SVOPL: variants seen among roughly 807,000 people sequenced by gnomAD.
SVOPL encodes the protein SVOP like, also known as putative transporter SVOPL.
SVOPL carries 60 observed loss-of-function variants against 61.0 expected under a neutral mutation model. The ratio of observed to expected loss-of-function variants is 0.98; its 90% CI spans 0.80 to 1.22. SVOPL has a LOEUF of 1.22. SVOPL is among the 50% of genes most tolerant of loss of function. SVOPL has a pLI of 0.00. For missense variants in SVOPL, 662 were observed against 643.9 expected (o/e 1.03, Z -0.30); for synonymous variants, 279 against 250.0 (o/e 1.12, Z -1.09).
chr7:138,615,687 T>C lies in SVOPL; in HGVS notation c.1353+5359A>G, dbSNP rs62485288. 3.4e-4 allele frequency among the ~76,000 whole-genome samples: 30 copies of C among 88,160 alleles called. 10 individuals are homozygous for C. The highest frequency in any genetic ancestry group is 2.6e-3 in the Admixed American group (19 of 7,212). 57.8% of individuals were successfully genotyped at this position (88,160 alleles called of 152,430 possible). A position where few individuals can be genotyped will look rare whatever the true frequency, so the allele number is the denominator to read the frequency against. On this transcript the variant is annotated intron_variant, in intron 14 of 15. Coordinates refer to ENST00000674285, the MANE Select transcript of SVOPL (RefSeq NM_001139456.2). ...GCAGGTGCCTGTAGTCTCAGCTACT[T>C]GGAAGGCTGAGGCAGGAGAACTGTT...
chr7:138,664,511 G>C (rs555727888), intron 4 of SVOPL, among the ~76,000 whole-genome samples: 15 of 130,608 alleles, frequency 1.1e-4, no homozygotes, highest in Non-Finnish European at 2.1e-4. Context: ...ACCCTTTATC[G>C]GGCGCGCGCG....
intron 1 of SVOPL, among the ~76,000 whole-genome samples, chr7:138,692,101 G>GGGA (rs1002336716): frequency 6.6e-6 from 1 of 152,084 alleles, no homozygotes; most frequent in Admixed American, 6.6e-5. Context: ...ACTTGCATCT[G>GGGA]GGAGGAGGAG....
chr7:138,629,155 A>G (rs142997838), intron 10 of SVOPL, among the ~76,000 whole-genome samples: 1,337 of 42,754 alleles, frequency 0.031, 20 homozygotes, highest in African/African-American at 0.076. Context: ...GTGTGTGTGT[A>G]TATATGTATA....
intron 1 of SVOPL, among the ~76,000 whole-genome samples, chr7:138,688,412 G>A (rs1373779702): frequency 6.6e-6 from 1 of 150,380 alleles, no homozygotes; most frequent in Non-Finnish European, 1.5e-5. Context: ...TAGGATTACA[G>A]GCATGCACCA....
At chr7:138,640,087 T>C (rs1159113800) in intron 9 of SVOPL, among the ~76,000 whole-genome samples, 2 of 151,712 alleles carry the variant, frequency 1.3e-5, no homozygotes, top group Non-Finnish European at 2.9e-5. Context: ...CAAAGCAGTG[T>C]AGAAAGACTA....
At chr7:138,655,951 G>A (rs151199042) in intron 7 of SVOPL, among the ~76,000 whole-genome samples, 29 of 152,254 alleles carry the variant, frequency 1.9e-4, no homozygotes, top group African/African-American at 6.7e-4. Flanking sequence ...TCTCTACTGT[G>A]GGTCAAATGC....
chr7:138,667,907 C>T (rs141251120), intron 4 of SVOPL, among the ~76,000 whole-genome samples: 206 of 152,308 alleles, frequency 1.4e-3, no homozygotes, highest in African/African-American at 4.6e-3. Context: ...ACCGCCCTTT[C>T]CCAAAACCAA....
chr7:138,661,378 T>C, intron 5 of SVOPL: 1 of 985,432 alleles, frequency 1.0e-6, no homozygotes, highest in Non-Finnish European at 1.2e-6. Context: ...TTTAACTCCG[T>C]ACATCCATCA....
At chr7:138,668,019 T>C (rs1343883673) in intron 4 of SVOPL, among the ~76,000 whole-genome samples, 1 of 152,198 alleles carries the variant, frequency 6.6e-6, no homozygotes, top group Non-Finnish European at 1.5e-5. Context: ...GGTTACAAGA[T>C]TCTGACCCTC....
intron 14 of SVOPL, among the ~76,000 whole-genome samples, chr7:138,613,670 T>A (rs192419028): frequency 2.0e-5 from 3 of 152,312 alleles, no homozygotes; most frequent in African/African-American, 7.2e-5. Context: ...ATTACCATAG[T>A]ACCTCCAAAG....
At chr7:138,627,305 T>C (rs1165615567) in intron 12 of SVOPL, 45 bp downstream of exon 12, 8 of 1,476,616 alleles carry the variant, frequency 5.4e-6, no homozygotes, top group Non-Finnish European at 7.5e-6. Context: ...GAGACTCCAT[T>C]TAGAAACCAC....
intron 14 of SVOPL, among the ~76,000 whole-genome samples, chr7:138,604,503 G>A (rs766242292): frequency 2.0e-4 from 30 of 151,556 alleles, no homozygotes; most frequent in Non-Finnish European, 3.4e-4. Flanking sequence ...CCAAAACCCC[G>A]TCTCTATTAA....
chr7:138,663,647 C>T (rs758629543), intron 4 of SVOPL: 29 of 964,554 alleles, frequency 3.0e-5, no homozygotes, highest in Non-Finnish European at 3.5e-5. Flanking sequence ...CTCGTTCTCA[C>T]AATGGCCTGT....
At chr7:138,661,453 C>G in intron 5 of SVOPL, 1 of 982,744 alleles carries the variant, frequency 1.0e-6, no homozygotes, top group Non-Finnish European at 1.2e-6. Context: ...TTTATCAGGT[C>G]CAGAGACACA....
intron 9 of SVOPL, among the ~76,000 whole-genome samples, chr7:138,637,822 G>C (rs1355115905): frequency 6.6e-6 from 1 of 150,390 alleles, no homozygotes; most frequent in Non-Finnish European, 1.5e-5. Flanking sequence ...CATGGTGGCG[G>C]GCACCTGTAA....
chr7:138,671,063 T>C (rs1176688206), intron 4 of SVOPL, among the ~76,000 whole-genome samples: 1 of 152,250 alleles, frequency 6.6e-6, no homozygotes, highest in Non-Finnish European at 1.5e-5. Context: ...TGAAAAACTG[T>C]AATATGTATT....
At chr7:138,641,861 C>T (rs1800818825) in intron 9 of SVOPL, among the ~76,000 whole-genome samples, 1 of 98,594 alleles carries the variant, frequency 1.0e-5, no homozygotes, top group Non-Finnish European at 2.1e-5. Flanking sequence ...TATATATAGT[C>T]AATGAGTGTG....
At chr7:138,622,527 G>A (rs989256618) in intron 13 of SVOPL, among the ~76,000 whole-genome samples, 3 of 151,802 alleles carry the variant, frequency 2.0e-5, no homozygotes, top group Non-Finnish European at 2.9e-5. Flanking sequence ...GGTTGGTCTC[G>A]AACTCCTGAC....
intron 5 of SVOPL, chr7:138,662,869 T>A (rs1340139066): frequency 1.4e-5 from 20 of 1,423,440 alleles, no homozygotes; most frequent in Non-Finnish European, 1.6e-5. Flanking sequence ...ACACCTGGAC[T>A]GCAGAGGAAC....
Sources: allele counts gnomAD v4.1 joint callset (sites outside exome capture counted in the v4.1 genomes callset), GRCh38; gene constraint gnomAD v4.1.1; transcripts MANE v1.5; gene names NCBI Gene and HGNC (gene_info 2026-07-23, HGNC 2026-07-21).